The following NCAM2 variants were observed in gnomAD, a reference collection of about 807,000 sequenced individuals.
NCAM2 encodes neural cell adhesion molecule 2.
Under a neutral mutation model 98.1 loss-of-function variants are expected in NCAM2, and 30 were observed. That is an observed-to-expected ratio of 0.31 (90% confidence interval 0.23 to 0.41). The LOEUF (loss-of-function observed/expected upper bound fraction) is 0.41, where lower values mean the gene tolerates loss of function less well. Ranked by LOEUF, NCAM2 falls within the 10% of genes least tolerant of loss-of-function variation. The pLI is 1.00. For missense variants in NCAM2, 867 were observed against 1,005.8 expected (o/e 0.86, Z 1.87); for synonymous variants, 368 against 342.4 (o/e 1.07, Z -0.83).
At chr21:21,507,718 A>T (rs995572382) in intron 15 of NCAM2, among the ~76,000 whole-genome samples, 5 of 136,182 alleles carry the variant, frequency 3.7e-5, no homozygotes, top group African/African-American at 1.4e-4. Context: ...TGAACCCGGG[A>T]GGTGGAGGTT....
intron 12 of NCAM2, among the ~76,000 whole-genome samples, chr21:21,448,364 G>A (rs1434929336): frequency 6.6e-6 from 1 of 152,020 alleles, no homozygotes; most frequent in Non-Finnish European, 1.5e-5. Flanking sequence ...GACACAGGGA[G>A]GGGAAAGATA....
At chr21:21,216,975 T>C (rs1185654143) in intron 1 of NCAM2, among the ~76,000 whole-genome samples, 2 of 152,204 alleles carry the variant, frequency 1.3e-5, no homozygotes, top group Non-Finnish European at 2.9e-5. Flanking sequence ...GGCAAGTGAT[T>C]ATCTTTGGCA....
chr21:21,237,443 C>G (rs147285292), intron 1 of NCAM2, among the ~76,000 whole-genome samples: 1 of 152,154 alleles, frequency 6.6e-6, no homozygotes, highest in Non-Finnish European at 1.5e-5. Flanking sequence ...GTACTATTTT[C>G]TCTTTCTGTC....
At chr21:21,027,013 C>T (rs567762306) in intron 1 of NCAM2, among the ~76,000 whole-genome samples, 152 of 151,862 alleles carry the variant, frequency 1.0e-3, no homozygotes, top group African/African-American at 3.6e-3. Context: ...TGCTCCATTG[C>T]CACCCGACCA....
intron 12 of NCAM2, among the ~76,000 whole-genome samples, chr21:21,453,108 A>G (rs1198468362): frequency 7.7e-6 from 1 of 130,372 alleles, no homozygotes; most frequent in Admixed American, 8.9e-5. Context: ...TTAAATATAT[A>G]TTATATATAA....
intron 1 of NCAM2, among the ~76,000 whole-genome samples, chr21:21,070,314 T>A (rs2146361063): frequency 6.6e-6 from 1 of 150,966 alleles, no homozygotes; most frequent in Non-Finnish European, 1.5e-5. Context: ...TGTTATCAAT[T>A]TATGGAAAAT....
chr21:21,172,787 A>G (rs1359615647), intron 1 of NCAM2, among the ~76,000 whole-genome samples: 1 of 152,150 alleles, frequency 6.6e-6, no homozygotes, highest in Non-Finnish European at 1.5e-5. Flanking sequence ...CAAACATGCT[A>G]TTGGCTGAGA....
chr21:21,432,707 T>A (rs1050329091), intron 12 of NCAM2, among the ~76,000 whole-genome samples: 37 of 152,266 alleles, frequency 2.4e-4, no homozygotes, highest in African/African-American at 8.9e-4. Flanking sequence ...ATCTGTAGAA[T>A]TTTATATATT....
intron 1 of NCAM2, among the ~76,000 whole-genome samples, chr21:21,206,730 T>C (rs1295385376): frequency 6.6e-6 from 1 of 152,180 alleles, no homozygotes; most frequent in African/African-American, 2.4e-5. Flanking sequence ...AATTTGTACC[T>C]TAGTTCTTTG....
At chr21:21,463,381 T>C (rs1304629560) in intron 12 of NCAM2, among the ~76,000 whole-genome samples, 1 of 152,168 alleles carries the variant, frequency 6.6e-6, no homozygotes, top group African/African-American at 2.4e-5. Flanking sequence ...ATAAGAGTTA[T>C]TGTATCAAAA....
chr21:21,466,918 A>G (rs1983756992), intron 13 of NCAM2, among the ~76,000 whole-genome samples, 193 bp downstream of exon 13: 1 of 152,028 alleles, frequency 6.6e-6, no homozygotes, highest in Non-Finnish European at 1.5e-5. Context: ...GCAAGGCAGA[A>G]AAAAAAGAGT....
intron 1 of NCAM2, among the ~76,000 whole-genome samples, chr21:21,123,807 G>A (rs2066726503): frequency 1.4e-5 from 2 of 144,774 alleles, no homozygotes; most frequent in Admixed American, 6.9e-5. Flanking sequence ...ATGAAGTGGA[G>A]GTACAGAAAA....
chr21:21,161,813 T>C (rs2067795038), intron 1 of NCAM2, among the ~76,000 whole-genome samples: 1 of 151,978 alleles, frequency 6.6e-6, no homozygotes, highest in South Asian at 2.1e-4. Flanking sequence ...ACGTAATTGA[T>C]AATTAACGCA....
At chr21:21,484,471 G>A (rs1215963993) in intron 15 of NCAM2, among the ~76,000 whole-genome samples, 2 of 151,834 alleles carry the variant, frequency 1.3e-5, no homozygotes, top group Admixed American at 6.6e-5. Context: ...GCTGTGAAGC[G>A]AATAAAGGCG....
intron 4 of NCAM2, 112 bp from the exon 5 acceptor site, chr21:21,291,992 A>G (rs2073314610): frequency 3.1e-6 from 3 of 960,774 alleles, no homozygotes; most frequent in African/African-American, 1.7e-5. Context: ...TTTGCTGATG[A>G]AAAGCTTGAT....
chr21:21,149,371 C>G (rs2067378903), intron 1 of NCAM2, among the ~76,000 whole-genome samples: 2 of 152,030 alleles, frequency 1.3e-5, no homozygotes, highest in African/African-American at 4.8e-5. Context: ...TTATTTAGAT[C>G]TCTTTTAACT....
chr21:21,297,394 G>A (rs2826778), intron 5 of NCAM2, among the ~76,000 whole-genome samples: 63,584 of 151,320 alleles, frequency 0.42, 14,625 homozygotes, highest in Non-Finnish European at 0.53. Context: ...TGGATCTTCA[G>A]GTAAGCTCTC....
intron 1 of NCAM2, among the ~76,000 whole-genome samples, chr21:21,122,612 A>C (rs918415956): frequency 1.3e-5 from 2 of 152,126 alleles, no homozygotes; most frequent in Non-Finnish European, 2.9e-5. Flanking sequence ...ATCTCCAGTT[A>C]GTTGGTGGGT....
At chr21:21,005,593 C>T (rs2064096320) in intron 1 of NCAM2, among the ~76,000 whole-genome samples, 1 of 151,858 alleles carries the variant, frequency 6.6e-6, no homozygotes, top group South Asian at 2.1e-4. Context: ...TTTTATTTGT[C>T]ATCTGTCTTT....
Sources: allele counts gnomAD v4.1 joint callset (sites outside exome capture counted in the v4.1 genomes callset), GRCh38; gene constraint gnomAD v4.1.1; transcripts MANE v1.5; gene names NCBI Gene and HGNC (gene_info 2026-07-23, HGNC 2026-07-21).